ADAM22: variants seen among roughly 807,000 people sequenced by gnomAD.
ADAM22 encodes ADAM metallopeptidase domain 22.
Under a neutral mutation model 144.6 loss-of-function variants are expected in ADAM22, and 65 were observed. The observed-to-expected ratio is 0.45, with a 90% confidence interval of 0.37 to 0.55. ADAM22 has a LOEUF of 0.55. ADAM22 is among the 20% of genes least tolerant of loss of function. The probability of loss-of-function intolerance (pLI) is 0.00; values close to 1 mark genes in which losing one functional copy is unlikely to be tolerated. For synonymous variants in ADAM22, 391 were observed against 412.6 expected (o/e 0.95, Z 0.63); for missense variants, 974 against 1,184.9 (o/e 0.82, Z 2.61).
chr7:88,057,931 C>A (rs1244299331), intron 3 of ADAM22, among the ~76,000 whole-genome samples: 1 of 152,142 alleles, frequency 6.6e-6, no homozygotes, highest in East Asian at 1.9e-4. Flanking sequence ...CAGGTTTAAT[C>A]CAGTAATTTT....
At chr7:87,987,272 G>A (rs555957771) in intron 3 of ADAM22, among the ~76,000 whole-genome samples, 28 of 152,098 alleles carry the variant, frequency 1.8e-4, no homozygotes, top group African/African-American at 4.8e-4. Context: ...TCCGTCTCCC[G>A]GGCTCAAGCA....
chr7:88,175,437 G>T (rs1845395764), intron 26 of ADAM22, among the ~76,000 whole-genome samples: 1 of 152,134 alleles, frequency 6.6e-6, no homozygotes, highest in Admixed American at 6.6e-5. Flanking sequence ...TTAATGGGAT[G>T]TATCGATTCA....
At chr7:88,009,265 A>G (rs1794782847) in intron 3 of ADAM22, among the ~76,000 whole-genome samples, 2 of 152,170 alleles carry the variant, frequency 1.3e-5, no homozygotes, top group Non-Finnish European at 2.9e-5. Context: ...TGATGTCAGT[A>G]TTTCACAAGT....
intron 3 of ADAM22, among the ~76,000 whole-genome samples, chr7:88,061,100 T>C (rs997808244): frequency 4.6e-5 from 7 of 151,168 alleles, no homozygotes; most frequent in Non-Finnish European, 8.9e-5. Flanking sequence ...CAAGACTCTG[T>C]CTCAAAAAAA....
At chr7:88,023,650 C>A (rs1798323452) in intron 3 of ADAM22, among the ~76,000 whole-genome samples, 3 of 152,198 alleles carry the variant, frequency 2.0e-5, no homozygotes, top group Admixed American at 2.0e-4. Context: ...AAACACCCCG[C>A]CTACCTCAGC....
intron 4 of ADAM22, among the ~76,000 whole-genome samples, chr7:88,096,557 A>G (rs1821376780): frequency 6.6e-6 from 1 of 150,972 alleles, no homozygotes; most frequent in Admixed American, 6.6e-5. Context: ...TAAATTATTT[A>G]TATTTTTAGA....
chr7:87,947,556 G>A (rs909219861), intron 2 of ADAM22, among the ~76,000 whole-genome samples: 11 of 151,664 alleles, frequency 7.3e-5, no homozygotes, highest in African/African-American at 2.4e-4. Context: ...TATTGGTGCC[G>A]AGATACTAAG....
chr7:88,142,998 C>T (rs1835255864), intron 14 of ADAM22, 28 bp from the exon 15 acceptor site: 2 of 1,404,762 alleles, frequency 1.4e-6, no homozygotes, highest in East Asian at 2.3e-5. Context: ...GAGTTGAACC[C>T]AGCTATTGCT....
chr7:88,074,264 T>C (rs1012070026), intron 3 of ADAM22, among the ~76,000 whole-genome samples: 20 of 152,338 alleles, frequency 1.3e-4, no homozygotes, highest in Admixed American at 2.6e-4. Flanking sequence ...TGAACATTTA[T>C]TACTCATATG....
At chr7:87,960,141 C>G (rs572357401) in intron 2 of ADAM22, among the ~76,000 whole-genome samples, 2 of 152,282 alleles carry the variant, frequency 1.3e-5, no homozygotes, top group South Asian at 4.1e-4. Context: ...TATTTTAATA[C>G]TTATCAATCA....
intron 2 of ADAM22, among the ~76,000 whole-genome samples, chr7:87,939,706 G>A (rs535494678): frequency 1.1e-4 from 17 of 152,284 alleles, no homozygotes; most frequent in African/African-American, 4.1e-4. Flanking sequence ...GGCTGCTTGA[G>A]TACTATTTAG....
At chr7:87,959,226 A>G (rs1327028417) in intron 2 of ADAM22, among the ~76,000 whole-genome samples, 1 of 152,184 alleles carries the variant, frequency 6.6e-6, no homozygotes, top group African/African-American at 2.4e-5. Flanking sequence ...GCAAACACTT[A>G]ACTTCTTTAA....
chr7:88,072,221 G>C (rs1813021090), intron 3 of ADAM22, among the ~76,000 whole-genome samples: 1 of 152,008 alleles, frequency 6.6e-6, no homozygotes, highest in Non-Finnish European at 1.5e-5. Context: ...CTTGTATATA[G>C]AGGCTTGATT....
At chr7:88,176,077 A>G (rs1426433269) in intron 26 of ADAM22, among the ~76,000 whole-genome samples, 4 of 151,890 alleles carry the variant, frequency 2.6e-5, no homozygotes, top group Non-Finnish European at 5.9e-5. Context: ...GGTTCAAGCG[A>G]TTCTCCTGCC....
intron 25 of ADAM22, 138 bp from the exon 26 acceptor site, chr7:88,171,406 A>C (rs1005461975): frequency 1.5e-6 from 1 of 678,024 alleles, no homozygotes; most frequent in African/African-American, 1.9e-5. Flanking sequence ...TCCCATTTTA[A>C]TTCTGTAATT....
Position 88,070,549 on chromosome 7 carries a change from ATTTG to A in ADAM22, c.324-5072_324-5069del, listed in dbSNP as rs1182755017. Among the ~76,000 whole-genome samples, 4 of 152,058 alleles carry A rather than the reference ATTTG, an allele frequency of 2.6e-5. No individual in the cohort carries two copies. In the East Asian group the frequency reaches 7.7e-4, roughly 29 times the overall value. On this transcript the variant is annotated intron_variant, in intron 3 of 31. Coordinates refer to ENST00000413139, the MANE Select transcript of ADAM22 (RefSeq NM_001324418.2). ...ATTGCACATTCAAGTTGCTTTGTTCATTTGTTTGCTTCTTATGCAAGCATCACTT... is the reference window on the plus strand; with the variant it reads ...ATTGCACATTCAAGTTGCTTTGTTCATTTGCTTCTTATGCAAGCATCACTT...
At chr7:88,031,056 C>T (rs1800141335) in intron 3 of ADAM22, among the ~76,000 whole-genome samples, 2 of 152,206 alleles carry the variant, frequency 1.3e-5, no homozygotes, top group Admixed American at 1.3e-4. Context: ...GCGGAGCTTG[C>T]AGTGAACCAA....
intron 3 of ADAM22, among the ~76,000 whole-genome samples, chr7:88,067,956 A>T (rs1198937000): frequency 6.6e-6 from 1 of 152,208 alleles, no homozygotes; most frequent in Non-Finnish European, 1.5e-5. Context: ...TCAGATATTT[A>T]ATAAACTTTT....
chr7:88,124,235 A>G (rs1829928481), intron 7 of ADAM22, among the ~76,000 whole-genome samples: 1 of 151,644 alleles, frequency 6.6e-6, no homozygotes, highest in African/African-American at 2.4e-5. Context: ...ATAACTTTGA[A>G]TTTGTCTATT....
Sources: gnomAD v4.1 joint callset for allele counts (sites outside exome capture counted in the v4.1 genomes callset) on GRCh38, gnomAD v4.1.1 for gene constraint, MANE v1.5 for transcripts, NCBI Gene and HGNC (gene_info 2026-07-23, HGNC 2026-07-21) for gene names.